The following GRM5 variants were observed in gnomAD, a reference collection of about 807,000 sequenced individuals.
GRM5 encodes the protein glutamate metabotropic receptor 5.
A neutral mutation model predicts 83.1 loss-of-function variants in GRM5; 19 were observed. The observed-to-expected ratio is 0.23, with a 90% CI of 0.16 to 0.34. The LOEUF (loss-of-function observed/expected upper bound fraction) is 0.34. GRM5 is among the 10% of genes least tolerant of loss of function. The probability of loss-of-function intolerance (pLI) is 1.00; values close to 1 mark genes in which losing one functional copy is unlikely to be tolerated. For missense variants in GRM5, 1,160 were observed against 1,588.3 expected, an observed-to-expected ratio of 0.73 and a Z score of 4.58; for synonymous variants, 675 against 633.6, an observed-to-expected ratio of 1.07 and a Z score of -0.98.
At chr11:89,015,454 T>C (rs1423821695) in intron 2 of GRM5, among the ~76,000 whole-genome samples, 1 of 152,146 alleles carries the variant, frequency 6.6e-6, no homozygotes, top group African/African-American at 2.4e-5. Flanking sequence ...TCAATGGGTG[T>C]CTGTTGGCAG....
At chr11:88,568,844 AGGAAGTTCATTTTTAT>A (rs1942925506) in intron 7 of GRM5, among the ~76,000 whole-genome samples, 1 of 152,190 alleles carries the variant, frequency 6.6e-6, no homozygotes, top group Non-Finnish European at 1.5e-5. Flanking sequence ...TAAAAAAAGG[AGGAAGTTCATTTTTAT>A]AAGAAAACTG....
chr11:88,924,558 A>G (rs1412570943), intron 2 of GRM5, among the ~76,000 whole-genome samples: 2 of 152,112 alleles, frequency 1.3e-5, no homozygotes, highest in Non-Finnish European at 2.9e-5. Flanking sequence ...ACACAGGAAA[A>G]TAGATACTGC....
chr11:88,891,020 G>T (rs1945135466), intron 2 of GRM5, among the ~76,000 whole-genome samples: 1 of 152,090 alleles, frequency 6.6e-6, no homozygotes, highest in Non-Finnish European at 1.5e-5. Flanking sequence ...TAAGCATGTT[G>T]TGGAAAGATG....
chr11:88,560,356 C>T (rs1942726982), intron 8 of GRM5, among the ~76,000 whole-genome samples: 1 of 152,096 alleles, frequency 6.6e-6, no homozygotes, highest in South Asian at 2.1e-4. Context: ...AGGCTCCTAT[C>T]ATGGCACTGT....
intron 8 of GRM5, among the ~76,000 whole-genome samples, chr11:88,543,283 A>T (rs1005898174): frequency 4.6e-5 from 7 of 152,204 alleles, no homozygotes; most frequent in Admixed American, 4.6e-4. Flanking sequence ...TCTTTCTCAC[A>T]TGGGGCCTTG....
chr11:88,519,090 A>G (rs1287101398), intron 9 of GRM5, among the ~76,000 whole-genome samples: 1 of 150,636 alleles, frequency 6.6e-6, no homozygotes, highest in Non-Finnish European at 1.5e-5. Context: ...GAGTTTAGCT[A>G]GACTAAGACT....
At chr11:88,713,517 C>T (rs1468632613) in intron 3 of GRM5, among the ~76,000 whole-genome samples, 1 of 152,004 alleles carries the variant, frequency 6.6e-6, no homozygotes, top group Non-Finnish European at 1.5e-5. Flanking sequence ...AAACAGATCT[C>T]TCTATATCTG....
At chr11:88,708,246 T>C (rs1171350271) in intron 3 of GRM5, among the ~76,000 whole-genome samples, 1 of 152,048 alleles carries the variant, frequency 6.6e-6, no homozygotes, top group Non-Finnish European at 1.5e-5. Flanking sequence ...AAAAATACTT[T>C]AGCACATTTT....
In GRM5 at chr11:88,862,774, T is replaced by C. The variant is rs1361425219; in HGVS notation, c.662-12619A>G. Among the ~76,000 whole-genome samples the C allele has an allele frequency of 5.3e-5, 8 of 152,280 alleles. No homozygotes were observed. The East Asian group carries it at 1.5e-3, about 29-fold the overall frequency. On this transcript the variant is annotated intron_variant, in intron 2 of 9. Coordinates refer to ENST00000305447, the MANE Select transcript of GRM5 (RefSeq NM_001143831.3). ...CATCACCTAGGTATTAAGCCCAGCATGCATTAGCTATTTTTCCTGATGCTC... is the reference window on the plus strand; with the variant it reads ...CATCACCTAGGTATTAAGCCCAGCACGCATTAGCTATTTTTCCTGATGCTC...
intron 8 of GRM5, among the ~76,000 whole-genome samples, chr11:88,558,799 CAAAAAAAAAAAAA>C (rs71265014): frequency 4.6e-5 from 1 of 21,908 alleles, no homozygotes; most frequent in Non-Finnish European, 9.8e-5. Context: ...GACTCCATCT[CAAAAAAAAAAAAA>C]AAAAAAAAAA....
chr11:88,509,544 G>A (rs1383908871), intron 9 of GRM5, 40 bp from the exon 10 acceptor site: 3 of 1,513,192 alleles, frequency 2.0e-6, no homozygotes, highest in Admixed American at 3.5e-5. Flanking sequence ...TCAGCGAGGT[G>A]CCCAGGGGGC....
chr11:88,579,339 C>T (rs1293635047), intron 7 of GRM5, among the ~76,000 whole-genome samples: 1 of 152,016 alleles, frequency 6.6e-6, no homozygotes, highest in East Asian at 1.9e-4. Flanking sequence ...GGAAAATATA[C>T]AAAAGTTACT....
chr11:88,968,995 A>G (rs1939081574), intron 2 of GRM5, among the ~76,000 whole-genome samples: 3 of 152,096 alleles, frequency 2.0e-5, no homozygotes, highest in Admixed American at 1.3e-4. Context: ...TGTATTATAG[A>G]CAGCAAAGGA....
At chr11:88,947,320 T>C (rs889086007) in intron 2 of GRM5, among the ~76,000 whole-genome samples, 9 of 152,124 alleles carry the variant, frequency 5.9e-5, no homozygotes, top group Non-Finnish European at 4.4e-5. Context: ...ATTTGCTGAG[T>C]TAACTCTGGT....
chr11:88,660,868 A>G (rs1425114396), intron 3 of GRM5, among the ~76,000 whole-genome samples: 2 of 152,182 alleles, frequency 1.3e-5, no homozygotes. Flanking sequence ...ATTTGATAAA[A>G]TGTAATTCAT....
intron 3 of GRM5, among the ~76,000 whole-genome samples, chr11:88,727,036 A>G (rs563218393): frequency 1.3e-5 from 2 of 152,356 alleles, no homozygotes; most frequent in East Asian, 1.9e-4. Context: ...TTCACACATA[A>G]CAATATTAGC....
chr11:88,928,324 C>T (rs1031505598), intron 2 of GRM5, among the ~76,000 whole-genome samples: 5 of 151,888 alleles, frequency 3.3e-5, no homozygotes, highest in African/African-American at 1.2e-4. Context: ...TACTGTGGGC[C>T]CCAGTTACTT....
At chr11:88,517,163 G>A (rs1031986568) in intron 9 of GRM5, among the ~76,000 whole-genome samples, 21 of 137,684 alleles carry the variant, frequency 1.5e-4, no homozygotes, top group East Asian at 2.0e-4. Context: ...ACACACACAC[G>A]TTTCTGATCC....
intron 3 of GRM5, among the ~76,000 whole-genome samples, chr11:88,708,369 CT>C (rs1433738331): frequency 6.6e-6 from 1 of 151,970 alleles, no homozygotes; most frequent in Non-Finnish European, 1.5e-5. Flanking sequence ...GTATTTAGTG[CT>C]TTTTCTTTTC....
Sources: gnomAD v4.1 joint callset for allele counts (sites outside exome capture counted in the v4.1 genomes callset) on GRCh38, gnomAD v4.1.1 for gene constraint, MANE v1.5 for transcripts, NCBI Gene and HGNC (gene_info 2026-07-23, HGNC 2026-07-21) for gene names.